The following NEDD4 variants were observed in gnomAD, a reference collection of about 807,000 sequenced individuals.
NEDD4 encodes NEDD4 E3 ubiquitin protein ligase, also known as E3 ubiquitin-protein ligase NEDD4.
In NEDD4, 99 loss-of-function variants were observed where a neutral mutation model predicts 144.9. That is an observed-to-expected ratio of 0.68 (90% CI 0.58 to 0.81). NEDD4 has a LOEUF of 0.81. Among genes scored for constraint, NEDD4 ranks in the 30% least tolerant of loss-of-function variants. The pLI is 0.00. For missense variants in NEDD4, 985 were observed against 1,065.9 expected, an observed-to-expected ratio of 0.92 and a Z score of 1.06; for synonymous variants, 318 against 350.6, an observed-to-expected ratio of 0.91 and a Z score of 1.04.
At chr15:55,903,674 A>G (rs1305383417) in intron 5 of NEDD4, among the ~76,000 whole-genome samples, 1 of 151,614 alleles carries the variant, frequency 6.6e-6, no homozygotes, top group African/African-American at 2.4e-5. Flanking sequence ...AAATACAAAA[A>G]ATTAGCTGGG....
chr15:55,857,489 C>T (rs962458390), intron 11 of NEDD4, among the ~76,000 whole-genome samples: 10 of 152,046 alleles, frequency 6.6e-5, no homozygotes, highest in Non-Finnish European at 1.3e-4. Flanking sequence ...CCACTGCACT[C>T]GGCTAATTTT....
At chr15:55,961,133 C>A (rs2037418980) in intron 2 of NEDD4, among the ~76,000 whole-genome samples, 1 of 152,168 alleles carries the variant, frequency 6.6e-6, no homozygotes, top group Non-Finnish European at 1.5e-5. Flanking sequence ...CCAGGATATG[C>A]AAGTTTGCTG....
At chr15:55,837,910 T>G (rs1378455442) in intron 23 of NEDD4, 61 bp from the exon 24 acceptor site, 5 of 1,382,786 alleles carry the variant, frequency 3.6e-6, no homozygotes, top group African/African-American at 2.9e-5. Context: ...GGCACAATTA[T>G]TCTAGTTAGA....
intron 27 of NEDD4, among the ~76,000 whole-genome samples, chr15:55,832,331 A>C (rs1331060655): frequency 2.6e-5 from 4 of 152,028 alleles, no homozygotes; most frequent in Non-Finnish European, 5.9e-5. Context: ...TTCAACCATG[A>C]CTCTGTTTTT....
At chr15:55,934,845 A>C (rs1595858082) in intron 4 of NEDD4, 2 of 138,750 alleles carry the variant, frequency 1.4e-5, no homozygotes, top group South Asian at 4.7e-4. Context: ...ATATATTCCT[A>C]TATACAATGT....
At chr15:55,882,762 GA>G (rs1566930675) in intron 5 of NEDD4, among the ~76,000 whole-genome samples, 2 of 152,158 alleles carry the variant, frequency 1.3e-5, no homozygotes, top group African/African-American at 4.8e-5. Flanking sequence ...AGCTCTGAAA[GA>G]AACTCCTTCC....
chr15:55,847,689 T>A (rs2033806140), intron 17 of NEDD4, among the ~76,000 whole-genome samples: 1 of 149,238 alleles, frequency 6.7e-6, no homozygotes, highest in South Asian at 2.1e-4. Flanking sequence ...TTTTTTTTTT[T>A]TTTTTGAGAT....
intron 5 of NEDD4, among the ~76,000 whole-genome samples, chr15:55,887,338 A>G (rs1418188616): frequency 6.6e-6 from 1 of 152,194 alleles, no homozygotes; most frequent in African/African-American, 2.4e-5. Context: ...ACAGAAATCA[A>G]AGGATCATTA....
rs574018064 is a variant in NEDD4 at position 55,944,580 on chromosome 15, G to C, written c.237+6796C>G. Among the ~76,000 whole-genome samples the C allele has an allele frequency of 2.6e-5, 4 of 152,368 alleles. No homozygotes were observed. The South Asian group carries it at 6.2e-4, about 24-fold the overall frequency. ...GCAGGGCATAGCTGAACAAAATGCA[G>C]CAGAAACTTCTACAGACTTAAATGT... On this transcript the variant is annotated intron_variant, in intron 4 of 28. Coordinates refer to ENST00000435532, the MANE Select transcript of NEDD4 (RefSeq NM_006154.4).
At position 55,840,734 on chromosome 15, in the gene NEDD4, A is replaced by C. The variant is rs775972670; in HGVS notation, c.1839-7T>G. 7 of 1,599,406 alleles carry C rather than the reference A, an allele frequency of 4.4e-6. No individual in the cohort carries two copies. The South Asian group carries it at 5.7e-5, about 13-fold the overall frequency. On this transcript the variant is annotated splice_polypyrimidine_tract_variant and splice_region_variant and intron_variant, in intron 19 of 28. Transcript: ENST00000435532. The stretch of plus-strand genomic sequence containing the variant: ...CTGTAGGGTATAATTGTCCCTGTAA[A>C]GACAACCCCATTTAAATACTTCATT...
chr15:55,838,476 A>T (rs1213796432), intron 22 of NEDD4, 33 bp downstream of exon 22: 2 of 1,398,260 alleles, frequency 1.4e-6, no homozygotes, highest in Non-Finnish European at 2.0e-6. Flanking sequence ...CTCACAATTT[A>T]TGTGCCATTT....
intron 24 of NEDD4, 48 bp from the exon 25 acceptor site, chr15:55,834,334 T>C (rs374914589): frequency 2.5e-6 from 3 of 1,221,138 alleles, no homozygotes; most frequent in East Asian, 4.7e-5. Context: ...GCCAATGGCC[T>C]TTCCTATGCC....
At chr15:55,944,197 G>A (rs766784326) in intron 4 of NEDD4, among the ~76,000 whole-genome samples, 2 of 152,312 alleles carry the variant, frequency 1.3e-5, no homozygotes, top group South Asian at 2.1e-4. Context: ...GCCTCACCTC[G>A]GAAGTGCAAG....
intron 5 of NEDD4, among the ~76,000 whole-genome samples, chr15:55,915,101 A>T (rs1037684207): frequency 6.6e-5 from 10 of 152,146 alleles, no homozygotes; most frequent in African/African-American, 2.4e-4. Context: ...AATAACAAAT[A>T]GAGTAAAAAA....
At chr15:55,985,472 T>C (rs2037875116) in intron 1 of NEDD4, among the ~76,000 whole-genome samples, 2 of 152,168 alleles carry the variant, frequency 1.3e-5, no homozygotes, top group African/African-American at 4.8e-5. Flanking sequence ...ATATTCCCAC[T>C]GGCATCCAAG....
intron 1 of NEDD4, among the ~76,000 whole-genome samples, chr15:55,991,485 G>C (rs1474844498): frequency 6.6e-6 from 1 of 152,228 alleles, no homozygotes; most frequent in Non-Finnish European, 1.5e-5. Flanking sequence ...ACAATGCATG[G>C]TACAGAGCAA....
Position 55,834,060 on chromosome 15 carries a change from T to C in NEDD4, c.2408A>G (p.Gln803Arg). Residue 803 changes from glutamine to arginine, a missense_variant, in exon 26 of 29, where the codon CAG becomes CGG. Physicochemically the swap from Gln to Arg is conservative, Grantham distance 43 (BLOSUM62 1). Coordinates refer to ENST00000435532, the MANE Select transcript of NEDD4 (RefSeq NM_006154.4). Reference sequence around the variant, plus strand: ...TACCTTCCAAAACCACTGTATAACCTGATGATTTGCACTGTAGCCATTTTT... The same window carrying C: ...TACCTTCCAAAACCACTGTATAACCCGATGATTTGCACTGTAGCCATTTTT... ...KYKNGYSANH[Q>R]VIQWFWKAVL... is the part of the protein sequence containing the mutation. 6.2e-7 allele frequency: 1 copy of C among 1,613,398 alleles called. No homozygotes were observed. The highest frequency in any genetic ancestry group is 8.5e-7 in the Non-Finnish European group (1 of 1,179,836).
chr15:55,834,981 GGGA>G (rs1310114399), intron 24 of NEDD4, among the ~76,000 whole-genome samples: 6 of 152,114 alleles, frequency 3.9e-5, no homozygotes, highest in African/African-American at 1.2e-4. Flanking sequence ...CTGCTCCTCA[GGGA>G]GGTCATCTCA....
intron 1 of NEDD4, among the ~76,000 whole-genome samples, chr15:55,968,062 T>G (rs1348532115): frequency 5.3e-5 from 8 of 152,196 alleles, no homozygotes; most frequent in African/African-American, 1.9e-4. Context: ...AGAAATCCAC[T>G]ATGTTTACGT....
Sources: allele counts gnomAD v4.1 joint callset (sites outside exome capture counted in the v4.1 genomes callset), GRCh38; gene constraint gnomAD v4.1.1; transcripts MANE v1.5; gene names NCBI Gene and HGNC (gene_info 2026-07-23, HGNC 2026-07-21).